NUP205: variants seen among roughly 807,000 people sequenced by gnomAD.
NUP205 encodes the protein nucleoporin 205, also known as nuclear pore complex protein Nup205.
In NUP205, 76 loss-of-function variants were observed where a neutral mutation model predicts 253.8. That is an observed-to-expected ratio of 0.30 (90% CI 0.25 to 0.36). The LOEUF (loss-of-function observed/expected upper bound fraction) is 0.36, where lower values mean the gene tolerates loss of function less well. Among genes scored for constraint, NUP205 ranks in the 10% least tolerant of loss-of-function variants. The pLI is 1.00. For synonymous variants in NUP205, 832 were observed against 850.1 expected (o/e 0.98, Z 0.37); for missense variants, 2,162 against 2,425.5 (o/e 0.89, Z 2.28).
intron 1 of NUP205, among the ~76,000 whole-genome samples, chr7:135,568,378 G>T (rs1805844199): frequency 6.6e-6 from 1 of 151,442 alleles, no homozygotes; most frequent in African/African-American, 2.4e-5. Flanking sequence ...TGTCACCCAG[G>T]CTGGAGTGCA....
At chr7:135,559,975 C>T (rs941839529) in intron 1 of NUP205, among the ~76,000 whole-genome samples, 5 of 152,130 alleles carry the variant, frequency 3.3e-5, no homozygotes, top group Admixed American at 2.6e-4. Flanking sequence ...TCCCCTGCCT[C>T]AGCCTCCCGA....
chr7:135,606,015 A>G (rs1187932348), intron 19 of NUP205, 130 bp from the exon 20 acceptor site: 5 of 609,466 alleles, frequency 8.2e-6, no homozygotes, highest in African/African-American at 7.5e-5. Flanking sequence ...AAATGTAACT[A>G]AAACGTAAAT....
chr7:135,617,655 C>A lies in NUP205; in HGVS notation c.3744C>A (p.Ala1248=). 1 of 1,611,998 alleles carries A rather than the reference C, an allele frequency of 6.2e-7. No homozygotes were observed. Among genetic ancestry groups the A allele is most frequent in the Middle Eastern group, 1.7e-4 (1 of 6,052 alleles). Residue 1248 remains alanine (A), a synonymous_variant, in exon 27 of 43, where the codon GCC becomes GCA. Coordinates refer to ENST00000285968, the MANE Select transcript of NUP205 (RefSeq NM_015135.3). ...AEVNALQGMA[A]IGQRPLLMEE... is the part of the protein sequence containing the mutation. Reference sequence around the variant, plus strand: ...TAAATGCCCTTCAGGGTATGGCAGCCATAGGACAGAGACCTCTACTAATGG... The same window carrying A: ...TAAATGCCCTTCAGGGTATGGCAGCAATAGGACAGAGACCTCTACTAATGG...
At chr7:135,637,484 G>T (rs1794830859) in intron 36 of NUP205, among the ~76,000 whole-genome samples, 1 of 152,172 alleles carries the variant, frequency 6.6e-6, no homozygotes, top group Non-Finnish European at 1.5e-5. Context: ...CCTTTATGAA[G>T]TCCCTGGGAG....
intron 22 of NUP205, among the ~76,000 whole-genome samples, chr7:135,610,283 C>T (rs970454096): frequency 7.2e-5 from 11 of 152,276 alleles, no homozygotes; most frequent in South Asian, 6.2e-4. Context: ...TGCAGTGGCA[C>T]GATCTCAGCT....
chr7:135,639,538 C>G (rs1794879612), intron 38 of NUP205, among the ~76,000 whole-genome samples: 1 of 151,802 alleles, frequency 6.6e-6, no homozygotes, highest in Admixed American at 6.6e-5. Flanking sequence ...AAAAATACAA[C>G]AAGTTAGCCG....
At chr7:135,642,164 A>G (rs555038243) in intron 38 of NUP205, among the ~76,000 whole-genome samples, 1 of 152,066 alleles carries the variant, frequency 6.6e-6, no homozygotes, top group African/African-American at 2.4e-5. Flanking sequence ...CTGAGGCAGG[A>G]GAATCGCTTG....
At chr7:135,611,574 T>G (rs1179262462) in intron 22 of NUP205, among the ~76,000 whole-genome samples, 1 of 152,222 alleles carries the variant, frequency 6.6e-6, no homozygotes, top group African/African-American at 2.4e-5. Context: ...ACATGAAATT[T>G]TGTGTCTTTT....
intron 3 of NUP205, among the ~76,000 whole-genome samples, chr7:135,575,162 C>T (rs1195020743): frequency 6.6e-6 from 1 of 152,120 alleles, no homozygotes; most frequent in Non-Finnish European, 1.5e-5. Flanking sequence ...AATATTTTGA[C>T]ACAATTAAGT....
At chr7:135,587,430 T>C in intron 8 of NUP205, 145 bp from the exon 9 acceptor site, 1 of 415,556 alleles carries the variant, frequency 2.4e-6, no homozygotes, top group Non-Finnish European at 4.3e-6. Context: ...ATTCCTGGCA[T>C]GTTTCTTCAT....
At chr7:135,642,841 GGGGTGTGTGTGTGTGT>G (rs1325065825) in intron 38 of NUP205, among the ~76,000 whole-genome samples, 38 of 104,830 alleles carry the variant, frequency 3.6e-4, no homozygotes, top group Non-Finnish European at 6.1e-4. Context: ...TTGATGTGGA[GGGGTGTGTGTGTGTGT>G]GTGTGTGTGT....
intron 4 of NUP205, 130 bp downstream of exon 4, chr7:135,576,544 G>A (rs554665183): frequency 1.3e-4 from 96 of 762,824 alleles, no homozygotes; most frequent in Middle Eastern, 9.7e-4. Flanking sequence ...ATTCTGCCAA[G>A]ACAGATATAA....
chr7:135,564,312 T>A (rs941294570), intron 1 of NUP205, among the ~76,000 whole-genome samples: 1 of 149,220 alleles, frequency 6.7e-6, no homozygotes. Flanking sequence ...AATGGCATGA[T>A]CTCAGGTGAC....
chr7:135,585,790 C>T (rs1806445692), intron 8 of NUP205, among the ~76,000 whole-genome samples: 1 of 152,156 alleles, frequency 6.6e-6, no homozygotes, highest in African/African-American at 2.4e-5. Context: ...GATCTGCCCA[C>T]CTCGGCCTCC....
In NUP205 at chr7:135,645,741, T is replaced by C. The variant is rs1794995718; in HGVS notation, c.5812+145T>C. ...GCTGTTTAGTCACTAGACGTAGCTATTTCTTGCATTTTACTTTCTGTTCAC... is the reference window on the plus strand; with the variant it reads ...GCTGTTTAGTCACTAGACGTAGCTACTTCTTGCATTTTACTTTCTGTTCAC... On this transcript the variant is annotated intron_variant, in intron 41 of 42. Transcript: ENST00000285968. 3 of 722,254 alleles carry C rather than the reference T, an allele frequency of 4.2e-6. No homozygotes were observed. The South Asian group carries it at 5.7e-5, about 14-fold the overall frequency. 44.7% of individuals were successfully genotyped at this position (722,254 alleles called of 1,614,324 possible). A position where few individuals can be genotyped will look rare whatever the true frequency, so the allele number is the denominator to read the frequency against.
At chr7:135,632,502 C>T (rs1462335994) in intron 35 of NUP205, among the ~76,000 whole-genome samples, 1 of 151,948 alleles carries the variant, frequency 6.6e-6, no homozygotes, top group Non-Finnish European at 1.5e-5. Flanking sequence ...ACCTCTGAAT[C>T]CACCCTATAA....
chr7:135,603,117 T>G (rs548184856), intron 18 of NUP205, 123 bp downstream of exon 18: 1 of 504,624 alleles, frequency 2.0e-6, no homozygotes, highest in African/African-American at 2.2e-5. Flanking sequence ...TTTTACTTTT[T>G]TTTTTTTTTT....
intron 1 of NUP205, among the ~76,000 whole-genome samples, chr7:135,561,138 A>C (rs573466031): frequency 1.3e-5 from 2 of 152,250 alleles, no homozygotes; most frequent in South Asian, 4.1e-4. Flanking sequence ...TGAAGTCAGG[A>C]GTTCGAGACC....
chr7:135,587,786 C>T, intron 9 of NUP205, 69 bp from the exon 10 acceptor site: 4 of 1,533,960 alleles, frequency 2.6e-6, no homozygotes, highest in Non-Finnish European at 3.5e-6. Context: ...CTTTAAATGT[C>T]CTTTTTTTTA....
Sources: gnomAD v4.1 joint callset for allele counts (sites outside exome capture counted in the v4.1 genomes callset) on GRCh38, gnomAD v4.1.1 for gene constraint, MANE v1.5 for transcripts, NCBI Gene and HGNC (gene_info 2026-07-23, HGNC 2026-07-21) for gene names.